Variants in PIP4K2A observed in about 807,000 individuals in gnomAD.
PIP4K2A encodes phosphatidylinositol-5-phosphate 4-kinase type 2 alpha.
A neutral mutation model predicts 42.9 loss-of-function variants in PIP4K2A; 14 were observed. The ratio of observed to expected loss-of-function variants is 0.33; its 90% CI spans 0.22 to 0.51. The LOEUF is 0.51. Ranked by LOEUF, PIP4K2A falls within the 20% of genes least tolerant of loss-of-function variation. The pLI, the probability that PIP4K2A is intolerant of heterozygous loss-of-function variation, is 0.97. For synonymous variants in PIP4K2A, 192 were observed against 192.2 expected, an observed-to-expected ratio of 1.00 and a Z score of 0.01; for missense variants, 434 against 519.8, an observed-to-expected ratio of 0.83 and a Z score of 1.61.
chr10:22,606,602 G>A (rs1019931686), intron 3 of PIP4K2A, among the ~76,000 whole-genome samples: 4 of 152,268 alleles, frequency 2.6e-5, no homozygotes, highest in Non-Finnish European at 5.9e-5. Flanking sequence ...AGAGAGGGCA[G>A]TGGGAGCACA....
chr10:22,654,888 C>A (rs145253969), intron 1 of PIP4K2A, among the ~76,000 whole-genome samples: 1 of 152,076 alleles, frequency 6.6e-6, no homozygotes, highest in Non-Finnish European at 1.5e-5. Context: ...AAGAAGGCTA[C>A]GGCAAAAGTG....
chr10:22,595,821 A>G (rs1379357171), intron 3 of PIP4K2A, among the ~76,000 whole-genome samples: 1 of 152,194 alleles, frequency 6.6e-6, no homozygotes, highest in Non-Finnish European at 1.5e-5. Flanking sequence ...TTTGAGCCTT[A>G]GTTTCCGGGT....
rs563398952 is a variant in PIP4K2A, at chr10:22,667,057, A to G, written c.144+47126T>C. On this transcript the variant is annotated intron_variant, in intron 1 of 9. Coordinates refer to ENST00000376573, the MANE Select transcript of PIP4K2A (RefSeq NM_005028.5). ...AAAAATACCCACATTTCCAACTCAC[A>G]GACTATAACTTTGTAAAAATAATAA... is the stretch of plus-strand genomic sequence containing the variant. Among the ~76,000 whole-genome samples the G allele has an allele frequency of 1.1e-3, 163 of 152,366 alleles. 1 individual carries two copies. The highest frequency in any genetic ancestry group is 3.4e-3 in the Middle Eastern group (1 of 294).
At chr10:22,639,645 G>A (rs1260162304) in intron 1 of PIP4K2A, among the ~76,000 whole-genome samples, 2 of 151,996 alleles carry the variant, frequency 1.3e-5, no homozygotes, top group Non-Finnish European at 2.9e-5. Flanking sequence ...ACAAAATGCC[G>A]CAAGCTTTCC....
intron 3 of PIP4K2A, among the ~76,000 whole-genome samples, chr10:22,592,488 C>A (rs77863390): frequency 4.6e-5 from 7 of 152,218 alleles, no homozygotes; most frequent in Admixed American, 4.6e-4. Context: ...CCTCCTTAGG[C>A]GATTTGAATT....
At chr10:22,543,474 C>T (rs753207990) in intron 7 of PIP4K2A, among the ~76,000 whole-genome samples, 12 of 152,224 alleles carry the variant, frequency 7.9e-5, no homozygotes, top group African/African-American at 1.9e-4. Context: ...GCAAACCCCT[C>T]GTGGAAACAG....
chr10:22,705,426 T>TAAAAAAAAAAACAAAAAAAAAAAA (rs1833802088), intron 1 of PIP4K2A, among the ~76,000 whole-genome samples: 1 of 29,244 alleles, frequency 3.4e-5, no homozygotes, highest in Non-Finnish European at 5.7e-5. Context: ...GTACCCCAGT[T>TAAAAAAAAAAACAAAAAAAAAAAA]AAAAAAAAAA....
intron 1 of PIP4K2A, among the ~76,000 whole-genome samples, chr10:22,666,489 T>C (rs1839355075): frequency 6.6e-6 from 1 of 152,086 alleles, no homozygotes; most frequent in Admixed American, 6.6e-5. Flanking sequence ...TTTTGAAAAA[T>C]TATCGATCCC....
chr10:22,575,792 G>C (rs1014713216), intron 4 of PIP4K2A, among the ~76,000 whole-genome samples: 1 of 152,000 alleles, frequency 6.6e-6, no homozygotes, highest in East Asian at 1.9e-4. Flanking sequence ...ACAACAATTA[G>C]CTGGGTGTGG....
At chr10:22,698,771 C>T (rs1035262401) in intron 1 of PIP4K2A, among the ~76,000 whole-genome samples, 1 of 152,062 alleles carries the variant, frequency 6.6e-6, no homozygotes, top group African/African-American at 2.4e-5. Context: ...TGGAAAGAAA[C>T]ATTAAAACAT....
chr10:22,620,751 T>C (rs1322380883), intron 1 of PIP4K2A, among the ~76,000 whole-genome samples: 1 of 152,240 alleles, frequency 6.6e-6, no homozygotes, highest in Non-Finnish European at 1.5e-5. Flanking sequence ...TGGAGTCTCC[T>C]GCCTGGATGA....
At chr10:22,610,507 A>C (rs1258096373) in intron 1 of PIP4K2A, among the ~76,000 whole-genome samples, 1 of 152,264 alleles carries the variant, frequency 6.6e-6, no homozygotes, top group African/African-American at 2.4e-5. Context: ...GATAGAAGGC[A>C]GGTACGCTGA....
chr10:22,590,388 C>T (rs965988763), intron 4 of PIP4K2A, among the ~76,000 whole-genome samples: 7 of 152,046 alleles, frequency 4.6e-5, no homozygotes, highest in South Asian at 2.1e-4. Flanking sequence ...TTAGTTGTTA[C>T]GTTATTTTTA....
intron 3 of PIP4K2A, among the ~76,000 whole-genome samples, chr10:22,596,483 G>A (rs1173560319): frequency 6.6e-6 from 1 of 152,208 alleles, no homozygotes; most frequent in Non-Finnish European, 1.5e-5. Context: ...CTCAGGGAAG[G>A]AGGTCTTATA....
intron 4 of PIP4K2A, among the ~76,000 whole-genome samples, chr10:22,579,310 G>A (rs1837202136): frequency 6.6e-6 from 1 of 152,170 alleles, no homozygotes; most frequent in African/African-American, 2.4e-5. Context: ...GAAAGGGGTG[G>A]AGCAGAATCG....
intron 6 of PIP4K2A, among the ~76,000 whole-genome samples, chr10:22,559,082 A>G (rs1836621899): frequency 6.6e-6 from 1 of 152,240 alleles, no homozygotes; most frequent in Non-Finnish European, 1.5e-5. Context: ...CAGTCGTAAC[A>G]GAAGATTCTG....
intron 4 of PIP4K2A, among the ~76,000 whole-genome samples, chr10:22,578,670 C>T (rs1282184872): frequency 1.3e-5 from 2 of 150,582 alleles, no homozygotes; most frequent in Admixed American, 6.6e-5. Flanking sequence ...ATCTGCGTCT[C>T]GATAACCCCC....
At chr10:22,664,118 T>TATATATATATAC (rs1564459999) in intron 1 of PIP4K2A, among the ~76,000 whole-genome samples, 5 of 58,546 alleles carry the variant, frequency 8.5e-5, no homozygotes, top group Admixed American at 6.0e-4. Flanking sequence ...TATATATACA[T>TATATATATATAC]ATATATATAT....
At chr10:22,567,697 G>A (rs1363971471) in intron 6 of PIP4K2A, 154 bp downstream of exon 6, 4 of 779,488 alleles carry the variant, frequency 5.1e-6, no homozygotes, top group South Asian at 1.4e-5. Context: ...AACTCTCATC[G>A]GGTCAATACA....
Sources: gnomAD v4.1 joint callset for allele counts (sites outside exome capture counted in the v4.1 genomes callset) on GRCh38, gnomAD v4.1.1 for gene constraint, MANE v1.5 for transcripts, NCBI Gene and HGNC (gene_info 2026-07-23, HGNC 2026-07-21) for gene names.